The following MECOM variants were observed in gnomAD, a reference collection of about 807,000 sequenced individuals.
The protein encoded by MECOM is MDS1 and EVI1 complex locus.
Under a neutral mutation model 116.3 loss-of-function variants are expected in MECOM, and 13 were observed. The ratio of observed to expected loss-of-function variants is 0.11; its 90% CI spans 0.07 to 0.18. MECOM has a LOEUF of 0.18. Among genes scored for constraint, MECOM ranks in the 10% least tolerant of loss-of-function variants. The pLI is 1.00. For synonymous variants in MECOM, 528 were observed against 535.2 expected (o/e 0.99, Z 0.19); for missense variants, 1,299 against 1,509.0 (o/e 0.86, Z 2.31).
At chr3:169,663,027 T>G (rs1443634351) in intron 1 of MECOM, among the ~76,000 whole-genome samples, 1 of 86,130 alleles carries the variant, frequency 1.2e-5, no homozygotes, top group Non-Finnish European at 2.2e-5. Context: ...ACTCTCGCGC[T>G]CTCTCCTCCC....
intron 2 of MECOM, among the ~76,000 whole-genome samples, chr3:169,157,892 C>T (rs1742240242): frequency 6.6e-6 from 1 of 152,154 alleles, no homozygotes; most frequent in African/African-American, 2.4e-5. Flanking sequence ...TAATTTCTCT[C>T]CACATATAAT....
Position 169,148,395 on chromosome 3 carries a change from A to G in MECOM, c.376-4563T>C, listed in dbSNP as rs933803651. Among the ~76,000 whole-genome samples, 17 of 142,170 alleles carry G rather than the reference A, an allele frequency of 1.2e-4. No homozygotes were observed. In the South Asian group the frequency reaches 1.5e-3, roughly 12 times the overall value. The allele number at this position is 142,170 out of a possible 152,430, so 93.3% of individuals were successfully genotyped here. ...ACCTTGGGTACATTTAAACCAATAC[A>G]TTGTAGAAAAGACATTGGAAGAAAG... On this transcript the variant is annotated intron_variant, in intron 2 of 16. Coordinates refer to ENST00000651503, the MANE Select transcript of MECOM (RefSeq NM_004991.4).
chr3:169,160,739 C>T (rs1194589359), intron 2 of MECOM, among the ~76,000 whole-genome samples: 1 of 151,810 alleles, frequency 6.6e-6, no homozygotes, highest in Non-Finnish European at 1.5e-5. Flanking sequence ...CCTCATTTAA[C>T]CTGATGATAT....
intron 1 of MECOM, among the ~76,000 whole-genome samples, chr3:169,631,500 G>A (rs1431360944): frequency 6.6e-6 from 1 of 151,894 alleles, no homozygotes; most frequent in African/African-American, 2.4e-5. Flanking sequence ...TAGGGTACAT[G>A]TGCACAATGT....
At chr3:169,429,648 G>A (rs1272200654) in intron 1 of MECOM, among the ~76,000 whole-genome samples, 1 of 152,146 alleles carries the variant, frequency 6.6e-6, no homozygotes, top group African/African-American at 2.4e-5. Context: ...CCAGTAGCTA[G>A]ATGTAGTAAC....
chr3:169,161,144 C>T (rs1308485334), intron 2 of MECOM, among the ~76,000 whole-genome samples: 1 of 152,158 alleles, frequency 6.6e-6, no homozygotes, highest in Non-Finnish European at 1.5e-5. Context: ...TCATGGTCAC[C>T]ACCTTTAAGT....
At chr3:169,265,619 C>CAGAGAGTGTGTGA (rs1758181114) in intron 2 of MECOM, among the ~76,000 whole-genome samples, 1 of 152,062 alleles carries the variant, frequency 6.6e-6, no homozygotes, top group Non-Finnish European at 1.5e-5. Context: ...AGCTGGGAAC[C>CAGAGAGTGTGTGA]CATAGGCCAC....
chr3:169,508,529 CAT>C (rs1755579853), intron 1 of MECOM, among the ~76,000 whole-genome samples: 1 of 152,084 alleles, frequency 6.6e-6, no homozygotes, highest in South Asian at 2.1e-4. Flanking sequence ...CACACACACA[CAT>C]GCACAAACAC....
chr3:169,491,414 T>A (rs1011828269), intron 1 of MECOM, among the ~76,000 whole-genome samples: 2 of 152,122 alleles, frequency 1.3e-5, no homozygotes, highest in African/African-American at 4.8e-5. Flanking sequence ...CTTTTAAGTA[T>A]CAGTAATTAA....
chr3:169,586,128 A>C (rs1765743216), intron 1 of MECOM, among the ~76,000 whole-genome samples: 1 of 152,356 alleles, frequency 6.6e-6, no homozygotes, highest in Admixed American at 6.5e-5. Context: ...ATAGTTGTCT[A>C]ATCAATAAGT....
chr3:169,440,882 G>T (rs1743537514), intron 1 of MECOM, among the ~76,000 whole-genome samples: 2 of 152,236 alleles, frequency 1.3e-5, no homozygotes, highest in Non-Finnish European at 1.5e-5. Flanking sequence ...AGATATTCAT[G>T]TTGGGTGGTC....
At chr3:169,585,387 G>T (rs1215189585) in intron 1 of MECOM, among the ~76,000 whole-genome samples, 1 of 152,156 alleles carries the variant, frequency 6.6e-6, no homozygotes, top group Non-Finnish European at 1.5e-5. Context: ...AAACTCCAGA[G>T]AAAATAATTC....
At chr3:169,543,900 T>C (rs1371066563) in intron 1 of MECOM, among the ~76,000 whole-genome samples, 1 of 152,188 alleles carries the variant, frequency 6.6e-6, no homozygotes, top group African/African-American at 2.4e-5. Context: ...TATTTATTTA[T>C]TTTGAGATGG....
chr3:169,168,185 A>C (rs1056989722), intron 2 of MECOM, among the ~76,000 whole-genome samples: 1 of 151,984 alleles, frequency 6.6e-6, no homozygotes, highest in African/African-American at 2.4e-5. Flanking sequence ...TTTACCTTAC[A>C]GTATAATCTG....
intron 16 of MECOM, among the ~76,000 whole-genome samples, chr3:169,085,327 G>A (rs150401806): frequency 8.5e-4 from 129 of 152,200 alleles, no homozygotes; most frequent in African/African-American, 3.0e-3. Context: ...TCAGTCTCCT[G>A]TTCAACTATA....
intron 3 of MECOM, among the ~76,000 whole-genome samples, chr3:169,133,130 C>A (rs1263515894): frequency 6.7e-6 from 1 of 149,582 alleles, no homozygotes; most frequent in Non-Finnish European, 1.5e-5. Context: ...CACACACACA[C>A]ACATACACTA....
chr3:169,183,761 TACAC>T (rs71166249), intron 2 of MECOM, among the ~76,000 whole-genome samples: 4,319 of 118,164 alleles, frequency 0.037, 58 homozygotes, highest in Middle Eastern at 0.051. Context: ...GATACATACA[TACAC>T]ACACACACAC....
intron 3 of MECOM, among the ~76,000 whole-genome samples, chr3:169,142,544 A>G (rs1738444700): frequency 6.6e-6 from 1 of 151,940 alleles, no homozygotes; most frequent in Non-Finnish European, 1.5e-5. Flanking sequence ...TCCCTTGTCA[A>G]TAATTCCTCT....
chr3:169,383,986 C>T (rs1732891542), intron 1 of MECOM, among the ~76,000 whole-genome samples: 1 of 152,182 alleles, frequency 6.6e-6, no homozygotes, highest in African/African-American at 2.4e-5. Context: ...CCATTTAACA[C>T]TAGTATTCTC....
Sources: gnomAD v4.1 joint callset for allele counts (sites outside exome capture counted in the v4.1 genomes callset) on GRCh38, gnomAD v4.1.1 for gene constraint, MANE v1.5 for transcripts, NCBI Gene and HGNC (gene_info 2026-07-23, HGNC 2026-07-21) for gene names.